The following CDH12 variants were observed in gnomAD, a reference collection of about 807,000 sequenced individuals.
The protein encoded by CDH12 is cadherin-12.
A neutral mutation model predicts 74.1 loss-of-function variants in CDH12; 41 were observed. That is an observed-to-expected ratio of 0.55 (90% CI 0.43 to 0.72). CDH12 has a LOEUF of 0.72. Among genes scored for constraint, CDH12 ranks in the 30% least tolerant of loss-of-function variants. CDH12 has a pLI of 0.00. For synonymous variants in CDH12, 399 were observed against 355.0 expected, an observed-to-expected ratio of 1.12 and a Z score of -1.39; for missense variants, 945 against 977.2, an observed-to-expected ratio of 0.97 and a Z score of 0.44.
intron 1 of CDH12, among the ~76,000 whole-genome samples, chr5:22,621,700 T>C: frequency 6.6e-6 from 1 of 152,092 alleles, no homozygotes; most frequent in East Asian, 1.9e-4. Context: ...GTTGTTGGAG[T>C]TTATGCCAAT....
chr5:21,875,534 A>G (rs1052105547), intron 6 of CDH12, among the ~76,000 whole-genome samples: 5 of 1,068 alleles, frequency 4.7e-3, no homozygotes, highest in African/African-American at 0.015. Flanking sequence ...TCTTTTGGTT[A>G]CAGGGTTTTG....
chr5:22,204,161 T>TG (rs70959704), intron 4 of CDH12, among the ~76,000 whole-genome samples: 34,485 of 83,320 alleles, frequency 0.41, 4,028 homozygotes, highest in Middle Eastern at 0.48. Flanking sequence ...TTGTTTTGTT[T>TG]GTTTTTTTTT....
intron 1 of CDH12, among the ~76,000 whole-genome samples, chr5:22,517,953 T>C (rs1436472143): frequency 6.6e-6 from 1 of 152,218 alleles, no homozygotes; most frequent in Non-Finnish European, 1.5e-5. Context: ...AACTGGGCGT[T>C]CATGTTTCTC....
intron 2 of CDH12, among the ~76,000 whole-genome samples, chr5:22,483,630 G>A (rs1911957): frequency 0.94 from 139,250 of 148,090 alleles, 65,575 homozygotes; most frequent in Admixed American, 0.97. Flanking sequence ...GGAAAAATTT[G>A]GCCACATAGG....
chr5:22,722,186 A>G (rs1375842247), intron 1 of CDH12, among the ~76,000 whole-genome samples: 3 of 152,248 alleles, frequency 2.0e-5, no homozygotes, highest in African/African-American at 7.2e-5. Flanking sequence ...TTGAGTTTCT[A>G]GAAAACACTA....
At chr5:22,702,049 T>C in intron 1 of CDH12, among the ~76,000 whole-genome samples, 1 of 152,166 alleles carries the variant, frequency 6.6e-6, no homozygotes, top group Non-Finnish European at 1.5e-5. Context: ...ACTATAATTG[T>C]TGTTGTTTTA....
intron 3 of CDH12, among the ~76,000 whole-genome samples, chr5:22,366,379 G>T (rs987719845): frequency 6.6e-6 from 1 of 151,720 alleles, no homozygotes; most frequent in Admixed American, 6.6e-5. Context: ...AATATGTATA[G>T]AGATAGATAA....
intron 5 of CDH12, among the ~76,000 whole-genome samples, chr5:22,062,296 T>C (rs1203924391): frequency 6.6e-6 from 1 of 152,124 alleles, no homozygotes; most frequent in African/African-American, 2.4e-5. Context: ...TAGCATACAA[T>C]GGACATGGAC....
intron 1 of CDH12, among the ~76,000 whole-genome samples, chr5:22,625,575 G>A (rs1738244483): frequency 6.6e-6 from 1 of 152,160 alleles, no homozygotes; most frequent in African/African-American, 2.4e-5. Flanking sequence ...GGCTTGCCAA[G>A]CTCCTTTAGC....
intron 1 of CDH12, among the ~76,000 whole-genome samples, chr5:22,823,275 C>G (rs1749815465): frequency 1.3e-5 from 2 of 151,750 alleles, no homozygotes; most frequent in South Asian, 4.2e-4. Context: ...GGAGTTACAC[C>G]TAATGCTAAA....
chr5:22,288,739 G>A (rs1342305389), intron 3 of CDH12, among the ~76,000 whole-genome samples: 1 of 152,122 alleles, frequency 6.6e-6, no homozygotes, highest in Non-Finnish European at 1.5e-5. Flanking sequence ...GAAGACAGTA[G>A]TCATTTTTTC....
intron 4 of CDH12, among the ~76,000 whole-genome samples, chr5:22,169,560 T>G (rs1474118687): frequency 6.6e-6 from 1 of 151,934 alleles, no homozygotes; most frequent in East Asian, 1.9e-4. Context: ...AAAATCACAC[T>G]TGAAAGATAA....
intron 6 of CDH12, among the ~76,000 whole-genome samples, chr5:21,878,890 A>G (rs1250490534): frequency 1.3e-5 from 2 of 151,026 alleles, no homozygotes; most frequent in Non-Finnish European, 1.5e-5. Context: ...AAAGAAAAAG[A>G]AAGAAGAAAG....
intron 1 of CDH12, among the ~76,000 whole-genome samples, chr5:22,668,828 G>A (rs1396367141): frequency 1.3e-5 from 2 of 151,954 alleles, no homozygotes; most frequent in African/African-American, 2.4e-5. Context: ...GGTCATCTCA[G>A]CTGTATCTCC....
At chr5:21,901,343 G>A (rs1016384212) in intron 6 of CDH12, among the ~76,000 whole-genome samples, 1 of 152,062 alleles carries the variant, frequency 6.6e-6, no homozygotes, top group Non-Finnish European at 1.5e-5. Flanking sequence ...TTCAATTATG[G>A]CTGATTTCTA....
chr5:21,785,631 A>G (rs1746156963), intron 10 of CDH12, among the ~76,000 whole-genome samples: 1 of 152,180 alleles, frequency 6.6e-6, no homozygotes, highest in African/African-American at 2.4e-5. Flanking sequence ...ACATTCCTTT[A>G]AGCCAAAGTC....
At chr5:22,437,437 G>T (rs780918125) in intron 2 of CDH12, among the ~76,000 whole-genome samples, 3 of 150,964 alleles carry the variant, frequency 2.0e-5, no homozygotes, top group African/African-American at 7.3e-5. Flanking sequence ...CCAATACAAA[G>T]TCTAGTCTTA....
At chr5:22,812,052 A>G (rs1046731124) in intron 1 of CDH12, among the ~76,000 whole-genome samples, 2 of 152,286 alleles carry the variant, frequency 1.3e-5, no homozygotes, top group African/African-American at 2.4e-5. Flanking sequence ...TGGATTTTAA[A>G]GGAATCTGAA....
intron 4 of CDH12, among the ~76,000 whole-genome samples, chr5:22,207,126 G>A (rs1299241572): frequency 6.6e-6 from 1 of 150,994 alleles, no homozygotes; most frequent in African/African-American, 2.4e-5. Context: ...GGCTAAGGCA[G>A]GAGAATGGCG....
Sources: gnomAD v4.1 joint callset for allele counts (sites outside exome capture counted in the v4.1 genomes callset) on GRCh38, gnomAD v4.1.1 for gene constraint, MANE v1.5 for transcripts, NCBI Gene and HGNC (gene_info 2026-07-23, HGNC 2026-07-21) for gene names.